DLC1: variants seen among roughly 807,000 people sequenced by gnomAD.
The protein encoded by DLC1 is rho GTPase-activating protein 7.
Under a neutral mutation model 140.3 loss-of-function variants are expected in DLC1, and 54 were observed. That is an observed-to-expected ratio of 0.38 (90% CI 0.31 to 0.48). The LOEUF is 0.48. DLC1 is among the 20% of genes least tolerant of loss of function. The probability of loss-of-function intolerance (pLI) is 0.96; values close to 1 mark genes in which losing one functional copy is unlikely to be tolerated. For synonymous variants in DLC1, 986 were observed against 728.1 expected (o/e 1.35, Z -5.70); for missense variants, 2,536 against 1,907.0 (o/e 1.33, Z -6.14).
At chr8:13,405,869 TTTC>T (rs1311914219) in intron 2 of DLC1, among the ~76,000 whole-genome samples, 21 of 151,296 alleles carry the variant, frequency 1.4e-4, no homozygotes, top group Non-Finnish European at 2.2e-4. Context: ...TCTCTTTTCT[TTTC>T]TTTTTTCTTT....
At chr8:13,491,127 A>AT (rs1236649246) in intron 2 of DLC1, among the ~76,000 whole-genome samples, 4 of 148,632 alleles carry the variant, frequency 2.7e-5, no homozygotes, top group African/African-American at 4.9e-5. Flanking sequence ...CAGATTTAAT[A>AT]TTTTTTTATA....
intron 5 of DLC1, among the ~76,000 whole-genome samples, chr8:13,175,016 T>C (rs570232621): frequency 3.2e-5 from 4 of 124,036 alleles, no homozygotes; most frequent in African/African-American, 1.1e-4. Flanking sequence ...ATTTAAGCCT[T>C]TAATCCATCT....
chr8:13,098,781 C>T (rs1818727779), intron 9 of DLC1, among the ~76,000 whole-genome samples: 1 of 152,078 alleles, frequency 6.6e-6, no homozygotes, highest in Admixed American at 6.6e-5. Flanking sequence ...ACATCTGACT[C>T]ATTTTTTAAT....
intron 5 of DLC1, among the ~76,000 whole-genome samples, chr8:13,141,256 C>CAAAAAAAAAAAAAAAAAAAAAAAAAA (rs34321250): frequency 1.6e-5 from 1 of 63,766 alleles, no homozygotes; most frequent in Non-Finnish European, 2.6e-5. Context: ...GAGTCTGTCT[C>CAAAAAAAAAAAAAAAAAAAAAAAAAA]AAAAAAAAAA....
intron 1 of DLC1, chr8:13,567,594 T>C (rs1388356732): frequency 5.8e-6 from 9 of 1,551,678 alleles, no homozygotes; most frequent in African/African-American, 1.4e-5. Context: ...AGTGTCCCTA[T>C]TGTAACAGGA....
intron 2 of DLC1, among the ~76,000 whole-genome samples, chr8:13,475,415 A>G (rs1800393184): frequency 6.6e-6 from 1 of 152,210 alleles, no homozygotes; most frequent in South Asian, 2.1e-4. Flanking sequence ...CATCTTTTAT[A>G]TTGGGTTTCT....
chr8:13,586,645 A>T (rs1174354916), intron 1 of DLC1, among the ~76,000 whole-genome samples: 1 of 151,206 alleles, frequency 6.6e-6, no homozygotes, highest in African/African-American at 2.4e-5. Context: ...AAAATGAAAC[A>T]TGTAAGAAAT....
At chr8:13,236,242 C>G (rs1829273207) in intron 5 of DLC1, among the ~76,000 whole-genome samples, 1 of 151,988 alleles carries the variant, frequency 6.6e-6, no homozygotes, top group Admixed American at 6.6e-5. Context: ...ATTCACTTTT[C>G]CAACATTTAC....
At chr8:13,233,080 A>T (rs763357558) in intron 5 of DLC1, among the ~76,000 whole-genome samples, 8 of 152,118 alleles carry the variant, frequency 5.3e-5, no homozygotes, top group Non-Finnish European at 7.4e-5. Flanking sequence ...GTATCACTTG[A>T]GGCCAGTAGT....
chr8:13,414,188 A>G (rs1296620603), intron 2 of DLC1, among the ~76,000 whole-genome samples: 2 of 152,202 alleles, frequency 1.3e-5, no homozygotes, highest in Admixed American at 6.5e-5. Context: ...GAGGAATTAA[A>G]AATTTTTTGG....
At chr8:13,156,410 G>C (rs1006746613) in intron 5 of DLC1, among the ~76,000 whole-genome samples, 1 of 152,192 alleles carries the variant, frequency 6.6e-6, no homozygotes, top group African/African-American at 2.4e-5. Flanking sequence ...GGGTGTACCA[G>C]ATGCTTTTTA....
At chr8:13,117,344 G>A (rs1309612176) in intron 5 of DLC1, among the ~76,000 whole-genome samples, 1 of 151,792 alleles carries the variant, frequency 6.6e-6, no homozygotes, top group Non-Finnish European at 1.5e-5. Context: ...CAGGTGTGGT[G>A]GTGTGCTCCT....
At chr8:13,437,178 A>G (rs1046875470) in intron 2 of DLC1, among the ~76,000 whole-genome samples, 1 of 152,184 alleles carries the variant, frequency 6.6e-6, no homozygotes, top group Non-Finnish European at 1.5e-5. Flanking sequence ...ACAAGTTGAG[A>G]AGTGAAGGCT....
chr8:13,597,375 T>A (rs1015409662), intron 1 of DLC1, among the ~76,000 whole-genome samples: 2 of 152,064 alleles, frequency 1.3e-5, no homozygotes, highest in Admixed American at 1.3e-4. Flanking sequence ...CAGTTTGCCA[T>A]CTAATCTTTG....
At chr8:13,473,229 A>G (rs1800290990) in intron 2 of DLC1, among the ~76,000 whole-genome samples, 1 of 152,110 alleles carries the variant, frequency 6.6e-6, no homozygotes, top group East Asian at 1.9e-4. Context: ...GGCTGATATG[A>G]TTTGGTTGTG....
intron 5 of DLC1, among the ~76,000 whole-genome samples, chr8:13,130,953 G>A (rs928589432): frequency 6.6e-6 from 1 of 152,188 alleles, no homozygotes; most frequent in African/African-American, 2.4e-5. Context: ...ATGCATCTGC[G>A]CTCAGGCCAC....
At chr8:13,497,344 G>T (rs1055945801) in intron 2 of DLC1, among the ~76,000 whole-genome samples, 11 of 152,082 alleles carry the variant, frequency 7.2e-5, no homozygotes, top group African/African-American at 2.7e-4. Flanking sequence ...TAGTTTTCTA[G>T]GATAAATTCC....
At chr8:13,143,274 C>T (rs1168301831) in intron 5 of DLC1, among the ~76,000 whole-genome samples, 1 of 152,096 alleles carries the variant, frequency 6.6e-6, no homozygotes, top group Non-Finnish European at 1.5e-5. Context: ...TGGTATGATA[C>T]TGACCGCTGT....
At chr8:13,196,711 G>C (rs994963834) in intron 5 of DLC1, among the ~76,000 whole-genome samples, 1 of 152,222 alleles carries the variant, frequency 6.6e-6, no homozygotes, top group African/African-American at 2.4e-5. Flanking sequence ...TCGGGGCTAA[G>C]AGAACATCTC....
Sources: allele counts gnomAD v4.1 joint callset (sites outside exome capture counted in the v4.1 genomes callset), GRCh38; gene constraint gnomAD v4.1.1; transcripts MANE v1.5; gene names NCBI Gene and HGNC (gene_info 2026-07-23, HGNC 2026-07-21).